The following PCDH11X variants were observed in gnomAD, a reference collection of about 807,000 sequenced individuals.
The protein encoded by PCDH11X is protocadherin-11 X-linked.
Under a neutral mutation model 53.3 loss-of-function variants are expected in PCDH11X, and 18 were observed. The ratio of observed to expected loss-of-function variants is 0.34; its 90% CI spans 0.23 to 0.50. PCDH11X has a LOEUF of 0.50. Among genes scored for constraint, PCDH11X ranks in the 20% least tolerant of loss-of-function variants. PCDH11X has a pLI of 0.98. For synonymous variants in PCDH11X, 279 were observed against 393.3 expected (o/e 0.71, Z 3.44); for missense variants, 570 against 1,032.4 (o/e 0.55, Z 6.14).
chrX:92,009,908 C>A (rs1445292433), intron 6 of PCDH11X, among the ~76,000 whole-genome samples: 1 of 109,495 alleles, frequency 9.1e-6, no homozygotes, highest in Admixed American at 9.9e-5. Context: ...TTTCACCATG[C>A]TGGTCAGGCT....
intron 1 of PCDH11X, among the ~76,000 whole-genome samples, chrX:91,791,808 C>T (rs1265429126): frequency 3.0e-5 from 3 of 100,451 alleles, no homozygotes; most frequent in African/African-American, 7.7e-5. Flanking sequence ...GAGAAGAAAA[C>T]TTACTCTATG....
rs1380670480 is a variant in PCDH11X, at chrX:91,954,136, C to A, written c.3033+74863C>A. Among the ~76,000 whole-genome samples the A allele has an allele frequency of 4.6e-5, 5 of 109,437 alleles. 1 individual carries two copies. The South Asian group carries it at 2.0e-3, about 44-fold the overall frequency. ...CTCCCCTTCCCCCTACCACGACAGG[C>A]CCCAGTATGTTGTTTTCCCCCACGT... is the stretch of plus-strand genomic sequence containing the variant. On this transcript the variant is annotated intron_variant, in intron 6 of 10. Transcript: ENST00000682573.
At chrX:92,373,211 G>A (rs748888850) in intron 8 of PCDH11X, among the ~76,000 whole-genome samples, 77 of 110,962 alleles carry the variant, frequency 6.9e-4, no homozygotes, top group Non-Finnish European at 1.3e-3. Context: ...ACCCAAAGTC[G>A]CAGTTGGAGT....
At chrX:92,111,456 G>A (rs1456320922) in intron 6 of PCDH11X, among the ~76,000 whole-genome samples, 1 of 108,058 alleles carries the variant, frequency 9.3e-6, no homozygotes, top group Non-Finnish European at 1.9e-5. Context: ...AAATAAAAAT[G>A]TAATGCTACT....
intron 8 of PCDH11X, among the ~76,000 whole-genome samples, chrX:92,273,671 A>T (rs112660916): frequency 1.8e-5 from 2 of 110,882 alleles, no homozygotes; most frequent in African/African-American, 6.6e-5. Context: ...GGAGAGATTA[A>T]GCTGAAGGAA....
chrX:92,532,865 GT>G (rs1477914012), intron 10 of PCDH11X, among the ~76,000 whole-genome samples: 1 of 111,788 alleles, frequency 8.9e-6, no homozygotes, highest in Non-Finnish European at 1.9e-5. Flanking sequence ...AGCTAGTCAT[GT>G]CTTACATGGA....
chrX:92,075,476 T>C (rs2063760425), intron 6 of PCDH11X, among the ~76,000 whole-genome samples: 1 of 111,041 alleles, frequency 9.0e-6, no homozygotes, highest in African/African-American at 3.3e-5. Context: ...ATACCTAGTA[T>C]GGGATTTTTA....
intron 9 of PCDH11X, among the ~76,000 whole-genome samples, chrX:92,410,782 T>A (rs1399548615): frequency 2.1e-5 from 2 of 94,756 alleles, no homozygotes; most frequent in East Asian, 6.3e-4. Context: ...TAGGGGAAAA[T>A]GGAAAAATAA....
At chrX:92,327,654 T>C (rs868193341) in intron 8 of PCDH11X, among the ~76,000 whole-genome samples, 3 of 109,584 alleles carry the variant, frequency 2.7e-5, no homozygotes, top group Non-Finnish European at 3.8e-5. Context: ...GATCTCTAAC[T>C]GTCCATACCA....
chrX:92,274,810 A>G (rs968882489), intron 8 of PCDH11X, among the ~76,000 whole-genome samples: 2 of 110,681 alleles, frequency 1.8e-5, no homozygotes, highest in Admixed American at 9.7e-5. Context: ...AAGGCCTGGT[A>G]GAACTGCCAT....
At chrX:92,352,253 T>C (rs915574394) in intron 8 of PCDH11X, among the ~76,000 whole-genome samples, 3 of 111,908 alleles carry the variant, frequency 2.7e-5, no homozygotes, top group African/African-American at 9.7e-5. Context: ...AGAAAGACAT[T>C]ATATACCCAA....
At chrX:92,274,321 G>C (rs148432102) in intron 8 of PCDH11X, among the ~76,000 whole-genome samples, 1,745 of 104,737 alleles carry the variant, frequency 0.017, 82 homozygotes, top group East Asian at 0.081. Context: ...GACGGAGGAC[G>C]GTAAGGGATA....
At position 91,881,274 on chromosome X, in the gene PCDH11X, C is replaced by T. The variant is rs750862918; in HGVS notation, c.3033+2001C>T. Reference sequence around the variant, plus strand: ...AAAAATAATAAACCTTTTTCCATGACGCATTTTATATCATATAACTAAGAG... The same window carrying T: ...AAAAATAATAAACCTTTTTCCATGATGCATTTTATATCATATAACTAAGAG... On this transcript the variant is annotated intron_variant, in intron 6 of 10. Coordinates refer to ENST00000682573, the MANE Select transcript of PCDH11X (RefSeq NM_032968.5). Among the ~76,000 whole-genome samples the T allele has an allele frequency of 2.4e-4, 26 of 110,255 alleles. No homozygotes were observed. In the East Asian group the frequency reaches 3.7e-3, roughly 16 times the overall value.
At chrX:91,816,685 C>A (rs1167221636) in intron 4 of PCDH11X, among the ~76,000 whole-genome samples, 1 of 110,915 alleles carries the variant, frequency 9.0e-6, no homozygotes. Context: ...GTGCTCTGAG[C>A]ATATATTTAA....
At chrX:92,301,734 C>CTTTTCTTTTTTTTTTTTTTTTTT (rs1569459116) in intron 8 of PCDH11X, among the ~76,000 whole-genome samples, 1 of 109,725 alleles carries the variant, frequency 9.1e-6, no homozygotes, top group African/African-American at 3.4e-5. Flanking sequence ...GCTTCCTTTT[C>CTTTTCTTTTTTTTTTTTTTTTTT]TTGTGTTGTC....
At chrX:92,148,113 T>C (rs867328448) in intron 6 of PCDH11X, among the ~76,000 whole-genome samples, 29 of 18,167 alleles carry the variant, frequency 1.6e-3, no homozygotes, top group South Asian at 2.7e-3. Flanking sequence ...TTTCTTTCTT[T>C]CTTTCTTTCT....
At chrX:92,127,240 T>C (rs2064883232) in intron 6 of PCDH11X, among the ~76,000 whole-genome samples, 1 of 108,920 alleles carries the variant, frequency 9.2e-6, no homozygotes, top group African/African-American at 3.3e-5. Flanking sequence ...TAATATGCCA[T>C]GTCATTTATT....
chrX:91,883,631 C>G (rs916655395), intron 6 of PCDH11X: 1 of 552,532 alleles, frequency 1.8e-6, no homozygotes, highest in Non-Finnish European at 2.2e-6. Context: ...CGGTGAAACC[C>G]CATCTCCACT....
intron 6 of PCDH11X, among the ~76,000 whole-genome samples, chrX:92,125,212 A>T (rs1282826312): frequency 9.0e-6 from 1 of 111,615 alleles, no homozygotes; most frequent in Non-Finnish European, 1.9e-5. Context: ...AACATTAGTG[A>T]TATTATGTCC....
Sources: allele counts gnomAD v4.1 joint callset (sites outside exome capture counted in the v4.1 genomes callset), GRCh38; gene constraint gnomAD v4.1.1; transcripts MANE v1.5; gene names NCBI Gene and HGNC (gene_info 2026-07-23, HGNC 2026-07-21).